GRIA1: variants seen among roughly 807,000 people sequenced by gnomAD.
GRIA1 encodes the protein glutamate receptor 1.
Under a neutral mutation model 99.2 loss-of-function variants are expected in GRIA1, and 31 were observed. The ratio of observed to expected loss-of-function variants is 0.31; its 90% CI spans 0.23 to 0.42. The LOEUF (loss-of-function observed/expected upper bound fraction) is 0.42. Among genes scored for constraint, GRIA1 ranks in the 10% least tolerant of loss-of-function variants. GRIA1 has a pLI of 1.00. For missense variants in GRIA1, 782 were observed against 1,157.5 expected, an observed-to-expected ratio of 0.68 and a Z score of 4.71; for synonymous variants, 438 against 432.4, an observed-to-expected ratio of 1.01 and a Z score of -0.16.
chr5:153,810,974 T>A, intron 15 of GRIA1, 51 bp from the exon 16 acceptor site: 1 of 1,306,996 alleles, frequency 7.7e-7, no homozygotes, highest in South Asian at 1.2e-5. Context: ...TCATTCCCAT[T>A]GCCTGTCATT....
intron 2 of GRIA1, among the ~76,000 whole-genome samples, chr5:153,626,406 T>C (rs1026155329): frequency 9.2e-5 from 14 of 151,704 alleles, no homozygotes; most frequent in African/African-American, 3.4e-4. Flanking sequence ...GCTCTCTCTA[T>C]GTGGAGAATG....
chr5:153,743,349 G>A (rs1761944308), intron 11 of GRIA1, among the ~76,000 whole-genome samples: 1 of 152,168 alleles, frequency 6.6e-6, no homozygotes, highest in African/African-American at 2.4e-5. Flanking sequence ...CAGAAGTCCA[G>A]TAGGCTGTGA....
At chr5:153,709,294 A>G (rs1269937539) in intron 11 of GRIA1, among the ~76,000 whole-genome samples, 2 of 152,222 alleles carry the variant, frequency 1.3e-5, no homozygotes, top group East Asian at 3.8e-4. Context: ...ATGAGCTTCA[A>G]TTAACTGATC....
chr5:153,495,992 C>T (rs1429521460), intron 2 of GRIA1, among the ~76,000 whole-genome samples: 1 of 152,182 alleles, frequency 6.6e-6, no homozygotes, highest in Non-Finnish European at 1.5e-5. Context: ...GAATAAATAG[C>T]TGGTGTGTGT....
intron 2 of GRIA1, among the ~76,000 whole-genome samples, chr5:153,568,826 CA>C (rs1761877981): frequency 6.6e-6 from 1 of 152,200 alleles, no homozygotes; most frequent in African/African-American, 2.4e-5. Context: ...GTAAAATTCA[CA>C]TTTCCAACTC....
At chr5:153,667,878 A>G (rs532535591) in intron 5 of GRIA1, among the ~76,000 whole-genome samples, 1 of 152,358 alleles carries the variant, frequency 6.6e-6, no homozygotes, top group South Asian at 2.1e-4. Context: ...TAATTACTTG[A>G]AATGCCTTTT....
At chr5:153,614,808 G>T (rs1766324078) in intron 2 of GRIA1, among the ~76,000 whole-genome samples, 1 of 152,192 alleles carries the variant, frequency 6.6e-6, no homozygotes, top group Admixed American at 6.5e-5. Context: ...ATTTATTGCT[G>T]ATAAGAACTA....
At chr5:153,689,130 G>A (rs1334268128) in intron 8 of GRIA1, among the ~76,000 whole-genome samples, 2 of 152,028 alleles carry the variant, frequency 1.3e-5, no homozygotes, top group Non-Finnish European at 2.9e-5. Flanking sequence ...CTGGGCTCAA[G>A]TGATCCACCC....
chr5:153,510,036 A>C (rs1306665139), intron 2 of GRIA1, among the ~76,000 whole-genome samples: 1 of 152,176 alleles, frequency 6.6e-6, no homozygotes, highest in East Asian at 1.9e-4. Context: ...ACAAAACCCC[A>C]AAATAGAGCC....
At chr5:153,679,219 C>T (rs547897799) in intron 7 of GRIA1, among the ~76,000 whole-genome samples, 7 of 152,234 alleles carry the variant, frequency 4.6e-5, no homozygotes, top group African/African-American at 1.2e-4. Context: ...GCAAGGCCTG[C>T]GCTCAAGGAA....
At chr5:153,755,741 C>T (rs957237094) in intron 11 of GRIA1, 1 of 152,206 alleles carries the variant, frequency 6.6e-6, no homozygotes, top group African/African-American at 2.4e-5. Flanking sequence ...ATCCCCCTAA[C>T]AACAATAAGA....
chr5:153,617,550 T>A (rs1161573850), intron 2 of GRIA1, among the ~76,000 whole-genome samples: 1 of 152,182 alleles, frequency 6.6e-6, no homozygotes, highest in Non-Finnish European at 1.5e-5. Context: ...TTGGGAAAAG[T>A]GATTTGGATC....
intron 8 of GRIA1, among the ~76,000 whole-genome samples, chr5:153,695,496 GC>G (rs1758030249): frequency 6.6e-6 from 1 of 152,148 alleles, no homozygotes; most frequent in Admixed American, 6.5e-5. Context: ...GCGGTGAAAG[GC>G]CCCACAAGTC....
intron 5 of GRIA1, among the ~76,000 whole-genome samples, chr5:153,666,994 T>C (rs1357839385): frequency 6.6e-6 from 1 of 151,998 alleles, no homozygotes; most frequent in Non-Finnish European, 1.5e-5. Flanking sequence ...AATTCCCACT[T>C]TTAAAAAAAT....
chr5:153,797,298 G>T (rs116757601), intron 14 of GRIA1, among the ~76,000 whole-genome samples: 1 of 152,104 alleles, frequency 6.6e-6, no homozygotes, highest in Non-Finnish European at 1.5e-5. Context: ...TAACATGTCC[G>T]ACATACAACA....
intron 2 of GRIA1, among the ~76,000 whole-genome samples, chr5:153,521,038 A>T (rs535897824): frequency 2.6e-5 from 4 of 152,334 alleles, no homozygotes; most frequent in African/African-American, 7.2e-5. Context: ...ATTACTATTA[A>T]ATCACTACCC....
intron 2 of GRIA1, among the ~76,000 whole-genome samples, chr5:153,568,515 T>C (rs1394054672): frequency 6.6e-6 from 1 of 152,212 alleles, no homozygotes; most frequent in Non-Finnish European, 1.5e-5. Flanking sequence ...AATGGGCTTT[T>C]ACTGAGTCAG....
chr5:153,586,059 A>G (rs575114571), intron 2 of GRIA1, among the ~76,000 whole-genome samples: 45 of 151,964 alleles, frequency 3.0e-4, no homozygotes, highest in Middle Eastern at 3.4e-3. Flanking sequence ...AGCTATCAGC[A>G]TGATGTCACT....
At chr5:153,544,794 A>G (rs949669769) in intron 2 of GRIA1, among the ~76,000 whole-genome samples, 2 of 152,172 alleles carry the variant, frequency 1.3e-5, no homozygotes, top group African/African-American at 4.8e-5. Context: ...CGTTGGTGAT[A>G]GTGAGTGTGG....
Sources: gnomAD v4.1 joint callset for allele counts (sites outside exome capture counted in the v4.1 genomes callset) on GRCh38, gnomAD v4.1.1 for gene constraint, MANE v1.5 for transcripts, NCBI Gene and HGNC (gene_info 2026-07-23, HGNC 2026-07-21) for gene names.